Variants in NUDCD1 observed in about 807,000 individuals in gnomAD.
NUDCD1 encodes the protein NudC domain containing 1.
Under a neutral mutation model 67.8 loss-of-function variants are expected in NUDCD1, and 60 were observed. The observed-to-expected ratio is 0.88, with a 90% confidence interval of 0.72 to 1.10. NUDCD1 has a LOEUF of 1.10. Among genes scored for constraint, NUDCD1 ranks in the 50% least tolerant of loss-of-function variants. The pLI is 0.00. For missense variants in NUDCD1, 643 were observed against 695.0 expected (o/e 0.93, Z 0.84); for synonymous variants, 244 against 230.8 (o/e 1.06, Z -0.52).
chr8:109,321,274 G>C (rs1815527804), intron 2 of NUDCD1, among the ~76,000 whole-genome samples: 1 of 152,136 alleles, frequency 6.6e-6, no homozygotes, highest in South Asian at 2.1e-4. Context: ...GGAGTTTCCA[G>C]CATATGAAGG....
chr8:109,316,724 T>G (rs1815406446), intron 2 of NUDCD1, among the ~76,000 whole-genome samples: 1 of 152,126 alleles, frequency 6.6e-6, no homozygotes, highest in Non-Finnish European at 1.5e-5. Context: ...GGTACAAAAT[T>G]TCTTAATACC....
At chr8:109,275,834 A>G (rs894878522) in intron 6 of NUDCD1, among the ~76,000 whole-genome samples, 4 of 152,188 alleles carry the variant, frequency 2.6e-5, no homozygotes, top group Admixed American at 6.5e-5. Context: ...GCATGGATCT[A>G]TAAGACATCT....
intron 1 of NUDCD1, among the ~76,000 whole-genome samples, chr8:109,330,659 C>T (rs1044511647): frequency 4.6e-5 from 7 of 152,144 alleles, no homozygotes; most frequent in African/African-American, 1.7e-4. Context: ...GTTCACGTCC[C>T]TTGTACTTAA....
chr8:109,284,723 GTC>G (rs1290898693), intron 5 of NUDCD1, among the ~76,000 whole-genome samples: 1 of 151,132 alleles, frequency 6.6e-6, no homozygotes, highest in Non-Finnish European at 1.5e-5. Flanking sequence ...AGTAAGAAAA[GTC>G]TCAAATTAAT....
chr8:109,245,457 G>A lies in NUDCD1; in HGVS notation c.1324C>T (p.Leu442Phe). Residue 442 changes from leucine to phenylalanine, a missense_variant, in exon 9 of 10, where the codon CTT (leucine) becomes TTT (phenylalanine). Physicochemically the swap from Leu to Phe is conservative, Grantham distance 22. Coordinates refer to ENST00000239690, the MANE Select transcript of NUDCD1 (RefSeq NM_032869.4). ...HVVNLGSNQY[L>F]FSVIVDPKEM... The stretch of plus-strand genomic sequence containing the variant: ...TTAGGATCCACTATGACAGAGAAAA[G>A]GTACTGGTTGCTTCCAAGATTCACC... The A allele has an allele frequency of 1.2e-6, 2 of 1,608,676 alleles. No homozygotes were observed. Among genetic ancestry groups the A allele is most frequent in the South Asian group, 1.1e-5 (1 of 89,460 alleles).
At chr8:109,245,964 T>C (rs112792034) in intron 8 of NUDCD1, among the ~76,000 whole-genome samples, 3,152 of 152,268 alleles carry the variant, frequency 0.021, 108 homozygotes, top group African/African-American at 0.072. Context: ...GCAGTGGAAT[T>C]AGATTCTCAC....
intron 2 of NUDCD1, among the ~76,000 whole-genome samples, chr8:109,312,403 T>A (rs1815279252): frequency 6.6e-6 from 1 of 151,236 alleles, no homozygotes; most frequent in Non-Finnish European, 1.5e-5. Flanking sequence ...ACACTAGTAA[T>A]GACAATTCTT....
At chr8:109,286,710 A>C (rs58046319) in intron 5 of NUDCD1, among the ~76,000 whole-genome samples, 1 of 152,180 alleles carries the variant, frequency 6.6e-6, no homozygotes, top group Non-Finnish European at 1.5e-5. Flanking sequence ...CATTGTGGAC[A>C]CTGGCCTTGA....
chr8:109,312,298 CAAAAAAAAAAAAA>C (rs5893951), intron 2 of NUDCD1, among the ~76,000 whole-genome samples: 1 of 82,610 alleles, frequency 1.2e-5, no homozygotes, highest in Non-Finnish European at 2.3e-5. Context: ...GAGACACTGT[CAAAAAAAAAAAAA>C]AAAAAAAAAG....
intron 5 of NUDCD1, among the ~76,000 whole-genome samples, chr8:109,287,243 C>T (rs1436171711): frequency 6.6e-6 from 1 of 152,142 alleles, no homozygotes; most frequent in Non-Finnish European, 1.5e-5. Flanking sequence ...TCTCAAAGAA[C>T]TTAAAACAGA....
intron 4 of NUDCD1, among the ~76,000 whole-genome samples, chr8:109,291,443 C>A (rs998413744): frequency 6.6e-6 from 1 of 152,194 alleles, no homozygotes; most frequent in African/African-American, 2.4e-5. Context: ...TTGCATCTAA[C>A]CTAAACTTTT....
At position 109,293,479 on chromosome 8, in the gene NUDCD1, T is replaced by C. The variant is rs1814758876; in HGVS notation, c.505A>G (p.Ser169Gly). 6.4e-7 allele frequency: 1 copy of C among 1,574,152 alleles called. No individual in the cohort carries two copies. Among genetic ancestry groups the C allele is most frequent in the Non-Finnish European group, 8.6e-7 (1 of 1,162,514 alleles). ...TCTTCAGCATTTAGCAGTGAGATAC[T>C]GTGAATTATAATAAAAGGATCCCCA... Reference protein sequence around the residue: ...ELGDPFIIIHSISLLNAEEHS... With the variant: ...ELGDPFIIIHGISLLNAEEHS... The change falls in exon 4 of 10, where the codon AGT (serine) becomes GGT (glycine). Residue 169 changes from serine to glycine, a missense_variant. Ser to Gly is a moderately conservative substitution (Grantham distance 56, BLOSUM62 0). Coordinates refer to ENST00000239690, the MANE Select transcript of NUDCD1 (RefSeq NM_032869.4).
intron 3 of NUDCD1, among the ~76,000 whole-genome samples, chr8:109,294,194 G>A (rs111229032): frequency 0.012 from 1,563 of 128,830 alleles, 37 homozygotes; most frequent in African/African-American, 0.038. Context: ...ATGGACAGTT[G>A]AGAAAAAGCC....
intron 1 of NUDCD1, among the ~76,000 whole-genome samples, chr8:109,330,540 C>T (rs1815781548): frequency 6.6e-6 from 1 of 152,156 alleles, no homozygotes; most frequent in Non-Finnish European, 1.5e-5. Flanking sequence ...TAATGAAAAA[C>T]TCATCATGTG....
chr8:109,280,731 G>C (rs1042775631), intron 6 of NUDCD1, among the ~76,000 whole-genome samples: 2 of 152,082 alleles, frequency 1.3e-5, no homozygotes, highest in Non-Finnish European at 1.5e-5. Context: ...ATTGTATCCA[G>C]AGCTGGTAAA....
At chr8:109,260,477 G>A (rs1390629141) in intron 8 of NUDCD1, among the ~76,000 whole-genome samples, 4 of 152,086 alleles carry the variant, frequency 2.6e-5, no homozygotes, top group African/African-American at 7.2e-5. Context: ...TGGGATTATC[G>A]GCATGAGCCA....
intron 5 of NUDCD1, among the ~76,000 whole-genome samples, chr8:109,285,734 C>G (rs1351324177): frequency 6.6e-6 from 1 of 152,030 alleles, no homozygotes; most frequent in Non-Finnish European, 1.5e-5. Context: ...CGAAGCATTC[C>G]TCTTGAGAAC....
At position 109,281,240 on chromosome 8, in the gene NUDCD1, A is replaced by T. The variant is rs1814431669; in HGVS notation, c.824-68T>A. ...GAAAGCATACACACACACAAAACCT[A>T]TCTAAAAGAATTTTAGTATATTTAC... On this transcript the variant is annotated intron_variant, in intron 5 of 9. Coordinates refer to ENST00000239690, the MANE Select transcript of NUDCD1 (RefSeq NM_032869.4). 5 of 975,344 alleles carry T rather than the reference A, an allele frequency of 5.1e-6. No individual in the cohort carries two copies. The Admixed American group carries it at 6.3e-5, about 12-fold the overall frequency. The allele number at this position is 975,344 out of a possible 1,614,324, so 60.4% of individuals were successfully genotyped here. A position where few individuals can be genotyped will look rare whatever the true frequency, so the allele number is the denominator to read the frequency against.
Position 109,242,073 on chromosome 8 carries a change from G to C in NUDCD1, c.*936C>G. 1 of 398,072 alleles carries C rather than the reference G, an allele frequency of 2.5e-6. No individual in the cohort carries two copies. The highest frequency in any genetic ancestry group is 3.6e-5 in the East Asian group (1 of 28,058). 24.7% of individuals were successfully genotyped at this position (398,072 alleles called of 1,614,324 possible). A position where few individuals can be genotyped will look rare whatever the true frequency, so the allele number is the denominator to read the frequency against. On this transcript the variant is annotated 3_prime_UTR_variant, in exon 10 of 10. Coordinates refer to ENST00000239690, the MANE Select transcript of NUDCD1 (RefSeq NM_032869.4). Reference sequence around the variant, plus strand: ...GATAAATTATAATTTGTCCTTGTGTGGTAAGATTGTTCCATCAATGGCCCC... The same window carrying C: ...GATAAATTATAATTTGTCCTTGTGTCGTAAGATTGTTCCATCAATGGCCCC...
Sources: gnomAD v4.1 joint callset for allele counts (sites outside exome capture counted in the v4.1 genomes callset) on GRCh38, gnomAD v4.1.1 for gene constraint, MANE v1.5 for transcripts, NCBI Gene and HGNC (gene_info 2026-07-23, HGNC 2026-07-21) for gene names.